The following NR3C1 variants were observed in gnomAD, a reference collection of about 807,000 sequenced individuals.
The protein encoded by NR3C1 is glucocorticoid receptor.
NR3C1 carries 14 observed loss-of-function variants against 74.0 expected under a neutral mutation model. The observed-to-expected ratio is 0.19, with a 90% confidence interval of 0.12 to 0.30. NR3C1 has a LOEUF of 0.30. Ranked by LOEUF, NR3C1 falls within the 10% of genes least tolerant of loss-of-function variation. The pLI is 1.00. For synonymous variants in NR3C1, 308 were observed against 332.5 expected (o/e 0.93, Z 0.80); for missense variants, 695 against 909.8 (o/e 0.76, Z 3.04).
At chr5:143,282,824 G>A in intron 7 of NR3C1, 99 bp from the exon 8 acceptor site, 2 of 1,338,376 alleles carry the variant, frequency 1.5e-6, no homozygotes, top group Non-Finnish European at 2.0e-6. Flanking sequence ...GTGTCATCCA[G>A]GCTGGAGTGC....
intron 2 of NR3C1, among the ~76,000 whole-genome samples, chr5:143,314,802 T>C (rs1197503531): frequency 6.6e-6 from 1 of 152,326 alleles, no homozygotes; most frequent in African/African-American, 2.4e-5. Context: ...CAATTTCATA[T>C]GACTCAGAGA....
intron 1 of NR3C1, among the ~76,000 whole-genome samples, chr5:143,414,647 T>C (rs1265473958): frequency 6.6e-6 from 1 of 152,226 alleles, no homozygotes; most frequent in African/African-American, 2.4e-5. Flanking sequence ...TTATAATCAC[T>C]CAGTTTTATT....
At chr5:143,355,190 T>C (rs904316628) in intron 2 of NR3C1, among the ~76,000 whole-genome samples, 6 of 152,278 alleles carry the variant, frequency 3.9e-5, no homozygotes, top group Middle Eastern at 3.4e-3. Flanking sequence ...TATCTAAATA[T>C]GACAGAATAC....
At chr5:143,416,135 T>C (rs938963449) in intron 1 of NR3C1, among the ~76,000 whole-genome samples, 6 of 152,210 alleles carry the variant, frequency 3.9e-5, no homozygotes, top group African/African-American at 1.4e-4. Context: ...TGTGGCCACA[T>C]GGTAGATAGG....
intron 2 of NR3C1, among the ~76,000 whole-genome samples, chr5:143,372,748 T>G (rs1834440486): frequency 6.6e-6 from 1 of 152,210 alleles, no homozygotes; most frequent in Admixed American, 6.5e-5. Context: ...CAAGTGTCCC[T>G]TGTACAGTAC....
intron 2 of NR3C1, among the ~76,000 whole-genome samples, chr5:143,390,443 CATT>C (rs953611361): frequency 3.3e-5 from 5 of 152,092 alleles, no homozygotes; most frequent in Non-Finnish European, 7.4e-5. Flanking sequence ...TAGGAATTCA[CATT>C]ATGTTTACTT....
chr5:143,295,443 A>G lies in NR3C1; in HGVS notation c.2023+17T>C, dbSNP rs1451407071. 6.2e-7 allele frequency: 1 copy of G among 1,611,584 alleles called. No homozygotes were observed. Among genetic ancestry groups the G allele is most frequent in the Non-Finnish European group, 8.5e-7 (1 of 1,178,562 alleles). On this transcript the variant is annotated intron_variant, in intron 7 of 8. Transcript: ENST00000394464. ...ATTTCATGCTTTTGACATAAGGTGA[A>G]AAGGTGTTCTACCAACCTGAAGAGA...
At chr5:143,338,971 C>T (rs1189814671) in intron 2 of NR3C1, among the ~76,000 whole-genome samples, 1 of 152,098 alleles carries the variant, frequency 6.6e-6, no homozygotes, top group African/African-American at 2.4e-5. Context: ...TGTTTAGATA[C>T]ATAAATACTT....
In NR3C1 at chr5:143,279,278, G is replaced by T; in HGVS notation, c.*2611C>A. 6.9e-7 allele frequency: 1 copy of T among 1,455,652 alleles called. No homozygotes were observed. The highest frequency in any genetic ancestry group is 1.3e-5 in the South Asian group (1 of 75,080). The allele number at this position is 1,455,652 out of a possible 1,614,324, so 90.2% of individuals were successfully genotyped here. A position where few individuals can be genotyped will look rare whatever the true frequency, so the allele number is the denominator to read the frequency against. On this transcript the variant is annotated 3_prime_UTR_variant, in exon 9 of 9. Transcript: ENST00000394464. ...CTATAGTTGTCGATGAGCATCAGTT[G>T]ACTTATTATTGACAACGAAGTGCAC...
At chr5:143,293,862 T>C (rs1816504136) in intron 7 of NR3C1, 1 of 969,102 alleles carries the variant, frequency 1.0e-6, no homozygotes, top group Non-Finnish European at 1.2e-6. Context: ...ATTGAAACCA[T>C]TCTTTTTTTT....
At position 143,300,454 on chromosome 5, in the gene NR3C1, T is replaced by C. The variant is rs777377903; in HGVS notation, c.1747+31A>G. Reference sequence around the variant, plus strand: ...TTGCTGAAGAAAACACAAAGGTTTATATAGTTGCTCTTTTATGTTTTGCAT... The same window carrying C: ...TTGCTGAAGAAAACACAAAGGTTTACATAGTTGCTCTTTTATGTTTTGCAT... On this transcript the variant is annotated intron_variant, in intron 5 of 8. Coordinates refer to ENST00000394464, the MANE Select transcript of NR3C1 (RefSeq NM_000176.3). This position sits in a 1 kb window ranked among gnomAD's most constrained non-coding sequence, Gnocchi z 5.2. 149 of 1,613,902 alleles carry C rather than the reference T, an allele frequency of 9.2e-5. No homozygotes were observed. Among genetic ancestry groups the C allele is most frequent in the Middle Eastern group, 3.3e-4 (2 of 6,084 alleles).
rs11552272 is a variant in NR3C1, at chr5:143,278,064, T to C, written c.*3825A>G. ...AGAACAGCAAATTTAAATGAAAAAA[T>C]AAAAGTTAAACATTTCCACACAAGG... On this transcript the variant is annotated 3_prime_UTR_variant, in exon 9 of 9. Transcript: ENST00000394464. 1.3e-5 allele frequency: 2 copies of C among 152,068 alleles called. No individual in the cohort carries two copies. Among genetic ancestry groups the C allele is most frequent in the African/African-American group, 2.4e-5 (1 of 41,418 alleles). The allele number at this position is 152,068 out of a possible 1,614,324, so 9.4% of individuals were successfully genotyped here.
chr5:143,402,630 C>T, intron 1 of NR3C1: 1 of 985,556 alleles, frequency 1.0e-6, no homozygotes, highest in Non-Finnish European at 1.2e-6. Flanking sequence ...GACACGCCCA[C>T]TTCTAACAGA....
In NR3C1 at chr5:143,397,938, T is replaced by C. The variant is rs61751163; in HGVS notation, c.1184+1718A>G. On this transcript the variant is annotated intron_variant, in intron 2 of 8. Transcript: ENST00000394464. ...AGTTTTGTCCCTTGCCTTTTCTTTA[T>C]AGTAAGGAAAATGAAAACCATGCCA... Among the ~76,000 whole-genome samples, 492 of 152,034 alleles carry C rather than the reference T, an allele frequency of 3.2e-3. 15 individuals carry two copies. Among genetic ancestry groups the C allele is most frequent in the Admixed American group, 0.03 (460 of 15,274 alleles).
chr5:143,283,810 TCA>T (rs1327250081), intron 7 of NR3C1, among the ~76,000 whole-genome samples: 2 of 152,226 alleles, frequency 1.3e-5, no homozygotes, highest in Non-Finnish European at 2.9e-5. Context: ...GCTACATTTT[TCA>T]CAGTGTGCTC....
intron 2 of NR3C1, among the ~76,000 whole-genome samples, chr5:143,314,643 A>T (rs1057052968): frequency 2.0e-5 from 3 of 152,068 alleles, no homozygotes; most frequent in Non-Finnish European, 4.4e-5. Flanking sequence ...TTTTTTCCTA[A>T]TTTTAAGATC....
intron 2 of NR3C1, among the ~76,000 whole-genome samples, chr5:143,381,917 T>C (rs1836320244): frequency 6.6e-6 from 1 of 151,950 alleles, no homozygotes; most frequent in Non-Finnish European, 1.5e-5. Context: ...AATGCAAAAA[T>C]GGACAAATGG....
intron 2 of NR3C1, among the ~76,000 whole-genome samples, chr5:143,345,993 T>A (rs1038663021): frequency 6.6e-6 from 1 of 152,220 alleles, no homozygotes; most frequent in African/African-American, 2.4e-5. Context: ...GAGAGCTTAC[T>A]GTATGTGGAT....
chr5:143,326,099 A>T (rs545968119), intron 2 of NR3C1, among the ~76,000 whole-genome samples: 1 of 152,350 alleles, frequency 6.6e-6, no homozygotes, highest in East Asian at 1.9e-4. Flanking sequence ...ACAGATAAGA[A>T]TACAAAAATT....
Sources: gnomAD v4.1 joint callset for allele counts (sites outside exome capture counted in the v4.1 genomes callset) on GRCh38, gnomAD v4.1.1 for gene constraint, Gnocchi (gnomAD v3.1) non-coding constraint, MANE v1.5 for transcripts, NCBI Gene and HGNC (gene_info 2026-07-23, HGNC 2026-07-21) for gene names.